CCDC134: variants seen among roughly 807,000 people sequenced by gnomAD.
CCDC134 encodes coiled-coil domain-containing protein 134.
Under a neutral mutation model 25.6 loss-of-function variants are expected in CCDC134, and 27 were observed. That is an observed-to-expected ratio of 1.05 (90% CI 0.78 to 1.45). The LOEUF (loss-of-function observed/expected upper bound fraction) is 1.45, where lower values mean the gene tolerates loss of function less well. Among genes scored for constraint, CCDC134 ranks in the 40% most tolerant of loss-of-function variants. The pLI is 0.00. For missense variants in CCDC134, 261 were observed against 286.7 expected (o/e 0.91, Z 0.65); for synonymous variants, 110 against 115.0 (o/e 0.96, Z 0.28).
At chr22:41,824,379 G>A (rs1404726385) in intron 6 of CCDC134, among the ~76,000 whole-genome samples, 1 of 152,158 alleles carries the variant, frequency 6.6e-6, no homozygotes, top group African/African-American at 2.4e-5. Flanking sequence ...GGCGGGCGGG[G>A]TGGACCTGCA....
rs910153405 is a variant in CCDC134, at chr22:41,829,218, C to T, written c.*3395C>T. On this transcript the variant is annotated 3_prime_UTR_variant, in exon 7 of 7. Coordinates refer to ENST00000255784, the MANE Select transcript of CCDC134 (RefSeq NM_024821.5). ...CAGTCCCACATCTTCCTCCCCTTCC[C>T]CATCACTGTCCTCAGAGAGATGCTG... Among the ~76,000 whole-genome samples, 14 of 152,202 alleles carry T rather than the reference C, an allele frequency of 9.2e-5. No individual in the cohort carries two copies. Among genetic ancestry groups the T allele is most frequent in the Non-Finnish European group, 1.9e-4 (13 of 68,042 alleles).
At position 41,825,651 on chromosome 22, in the gene CCDC134, T is replaced by C. The variant is rs1602247679; in HGVS notation, c.565-47T>C. The stretch of plus-strand genomic sequence containing the variant: ...GCTGGTGGCCTAGCTCAGAGCAGGC[T>C]CTTTGCTGCCACAGACTAAATCAGA... On this transcript the variant is annotated intron_variant, in intron 6 of 6. Coordinates refer to ENST00000255784, the MANE Select transcript of CCDC134 (RefSeq NM_024821.5). This position sits in a 1 kb window ranked among gnomAD's most constrained non-coding sequence, Gnocchi z 4.4. The C allele has an allele frequency of 1.9e-6, 3 of 1,611,454 alleles. No individual in the cohort carries two copies. Among genetic ancestry groups the C allele is most frequent in the African/African-American group, 2.7e-5 (2 of 74,900 alleles).
In CCDC134 at chr22:41,825,292, C is replaced by T. The variant is rs894900434; in HGVS notation, c.565-406C>T. On this transcript the variant is annotated intron_variant, in intron 6 of 6. Transcript: ENST00000255784. This position sits in a 1 kb window ranked among gnomAD's most constrained non-coding sequence, Gnocchi z 4.4. ...CAATGAAGTCCTCATCCTCCACCCC[C>T]CCACTTGCCTTGTCATCTGTGACTC... Among the ~76,000 whole-genome samples the T allele has an allele frequency of 2.0e-5, 3 of 151,912 alleles. No homozygotes were observed. Among genetic ancestry groups the T allele is most frequent in the African/African-American group, 7.3e-5 (3 of 41,328 alleles).
At chr22:41,806,144 A>G (rs1360245746) in intron 1 of CCDC134, among the ~76,000 whole-genome samples, 5 of 152,028 alleles carry the variant, frequency 3.3e-5, no homozygotes. Flanking sequence ...CTCTTAGAGA[A>G]GAATCAGAAC....
Position 41,813,343 on chromosome 22 carries a change from T to G in CCDC134, c.390T>G (p.Phe130Leu). The G allele has an allele frequency of 6.2e-7, 1 of 1,614,204 alleles. No individual in the cohort carries two copies. The highest frequency in any genetic ancestry group is 8.5e-7 in the Non-Finnish European group (1 of 1,180,034). Residue 130 changes from phenylalanine (F) to leucine (L), a missense_variant, in exon 5 of 7, where the codon TTT (phenylalanine) becomes TTG (leucine). By Grantham distance (22) the Phe-to-Leu change is conservative (BLOSUM62 0). Transcript: ENST00000255784. ...LRFPRIVHYY[F>L]DHNSNWNLLI... ...TCCCGAGGATTGTGCACTATTACTT[T>G]GACCACAACTCCAACTGGAACCTCC...
chr22:41,811,613 G>A (rs1451966560), intron 4 of CCDC134, among the ~76,000 whole-genome samples: 1 of 152,108 alleles, frequency 6.6e-6, no homozygotes, highest in Non-Finnish European at 1.5e-5. Flanking sequence ...ATTTTTAGTA[G>A]AGATGGGGTT....
intron 4 of CCDC134, 109 bp downstream of exon 4, chr22:41,810,400 G>A (rs1010669931): frequency 1.0e-6 from 1 of 995,704 alleles, no homozygotes; most frequent in South Asian, 1.5e-5. Flanking sequence ...GTGCCCTCTT[G>A]TGGCACCTTC....
intron 2 of CCDC134, among the ~76,000 whole-genome samples, chr22:41,809,460 G>T (rs966956267): frequency 6.6e-6 from 1 of 152,196 alleles, no homozygotes; most frequent in Non-Finnish European, 1.5e-5. Context: ...GGCACAGGAG[G>T]GGTCAGGGAG....
rs191981208 is a variant in CCDC134 at position 41,823,364 on chromosome 22, A to G, written c.565-2334A>G. Among the ~76,000 whole-genome samples the G allele has an allele frequency of 1.2e-4, 18 of 151,940 alleles. No homozygotes were observed. The East Asian group carries it at 2.3e-3, about 20-fold the overall frequency. ...CTCAGCCTCCAAAGTAGCCGGGAATACAGGCGCCCATCACCACACCTGACT... is the reference window on the plus strand; with the variant it reads ...CTCAGCCTCCAAAGTAGCCGGGAATGCAGGCGCCCATCACCACACCTGACT... On this transcript the variant is annotated intron_variant, in intron 6 of 6. Coordinates refer to ENST00000255784, the MANE Select transcript of CCDC134 (RefSeq NM_024821.5).
At chr22:41,812,278 C>T (rs1405167971) in intron 4 of CCDC134, among the ~76,000 whole-genome samples, 6 of 151,902 alleles carry the variant, frequency 3.9e-5, no homozygotes, top group African/African-American at 7.3e-5. Context: ...AAAAAGTAGC[C>T]GGGTGTGGTG....
At chr22:41,805,029 A>T (rs762115069) in intron 1 of CCDC134, among the ~76,000 whole-genome samples, 16 of 152,240 alleles carry the variant, frequency 1.1e-4, no homozygotes, top group Non-Finnish European at 2.4e-4. Context: ...AGATCGTGCC[A>T]CTGCACTCCA....
At chr22:41,812,123 T>C (rs1033967882) in intron 4 of CCDC134, among the ~76,000 whole-genome samples, 1 of 152,138 alleles carries the variant, frequency 6.6e-6, no homozygotes, top group Non-Finnish European at 1.5e-5. Flanking sequence ...ATGTTGGTTA[T>C]ATAAGATGAC....
chr22:41,827,562 C>T lies in CCDC134; in HGVS notation c.*1739C>T, dbSNP rs1039020983. On this transcript the variant is annotated 3_prime_UTR_variant, in exon 7 of 7. Coordinates refer to ENST00000255784, the MANE Select transcript of CCDC134 (RefSeq NM_024821.5). ...CCTGAGCATAGGGACTCAAGGGGCC[C>T]GTTACAGAATTTTTGGGAGTAAATA... Among the ~76,000 whole-genome samples, 14 of 152,138 alleles carry T rather than the reference C, an allele frequency of 9.2e-5. No individual in the cohort carries two copies. Among genetic ancestry groups the T allele is most frequent in the Non-Finnish European group, 1.9e-4 (13 of 68,036 alleles).
At chr22:41,804,157 C>T (rs2076557143) in intron 1 of CCDC134, among the ~76,000 whole-genome samples, 1 of 152,114 alleles carries the variant, frequency 6.6e-6, no homozygotes, top group Non-Finnish European at 1.5e-5. Flanking sequence ...GAGTAAGAGT[C>T]TCAAAATGAT....
rs2076698076 is a variant in CCDC134, at chr22:41,830,067, G to A, written c.*4244G>A. Among the ~76,000 whole-genome samples, 3 of 152,294 alleles carry A rather than the reference G, an allele frequency of 2.0e-5. No individual in the cohort carries two copies. The highest frequency in any genetic ancestry group is 6.5e-5 in the Admixed American group (1 of 15,292). ...ATTACAGGCGTAAGCAACCGTGCCCGGCTGTCCATCTCTTTTCAGATGAAG... is the reference window on the plus strand; with the variant it reads ...ATTACAGGCGTAAGCAACCGTGCCCAGCTGTCCATCTCTTTTCAGATGAAG... On this transcript the variant is annotated 3_prime_UTR_variant, in exon 7 of 7. Transcript: ENST00000255784.
chr22:41,813,828 C>T lies in CCDC134; in HGVS notation c.564+6C>T. ...TTAAAATCGACCGCACAGAGGTGAG[C>T]TGCCAGGGCCTATGCCTGTGTCTGC... On this transcript the variant is annotated splice_donor_region_variant and intron_variant, in intron 6 of 6. Coordinates refer to ENST00000255784, the MANE Select transcript of CCDC134 (RefSeq NM_024821.5). 3 of 1,613,612 alleles carry T rather than the reference C, an allele frequency of 1.9e-6. No homozygotes were observed. The highest frequency in any genetic ancestry group is 2.5e-6 in the Non-Finnish European group (3 of 1,179,482).
At chr22:41,808,085 G>A (rs1420729815) in intron 1 of CCDC134, among the ~76,000 whole-genome samples, 1 of 151,858 alleles carries the variant, frequency 6.6e-6, no homozygotes, top group African/African-American at 2.4e-5. Flanking sequence ...GCTTGAACCC[G>A]GGAGGTGGAG....
Position 41,813,358 on chromosome 22 carries a change from C to A in CCDC134, c.405C>A (p.Asn135Lys). The change falls in exon 5 of 7, where the codon AAC (asparagine) becomes AAA (lysine). Residue 135 changes from asparagine (N) to lysine (K), a missense_variant. Physicochemically the swap from Asn to Lys is moderately conservative, Grantham distance 94. Transcript: ENST00000255784. ...ACTATTACTTTGACCACAACTCCAA[C>A]TGGAACCTCCTCATCCGCTGGGGTA... ...IVHYYFDHNS[N>K]WNLLIRWGIS... 1 of 1,614,230 alleles carries A rather than the reference C, an allele frequency of 6.2e-7. No individual in the cohort carries two copies. Among genetic ancestry groups the A allele is most frequent in the East Asian group, 2.2e-5 (1 of 44,884 alleles).
intron 6 of CCDC134, among the ~76,000 whole-genome samples, chr22:41,823,899 A>G (rs2076663922): frequency 6.6e-6 from 1 of 152,240 alleles, no homozygotes; most frequent in East Asian, 1.9e-4. Flanking sequence ...CCAGGAATCG[A>G]TTGTTTTTTT....
Sources: allele counts gnomAD v4.1 joint callset (sites outside exome capture counted in the v4.1 genomes callset), GRCh38; gene constraint gnomAD v4.1.1; non-coding constraint Gnocchi (gnomAD v3.1); transcripts MANE v1.5; gene names NCBI Gene and HGNC (gene_info 2026-07-23, HGNC 2026-07-21).